PCDHA11: variants seen among roughly 807,000 people sequenced by gnomAD.
The protein encoded by PCDHA11 is protocadherin alpha-11.
In PCDHA11, 61 loss-of-function variants were observed where a neutral mutation model predicts 70.3. The ratio of observed to expected loss-of-function variants is 0.87; its 90% CI spans 0.71 to 1.07. The LOEUF (loss-of-function observed/expected upper bound fraction) is 1.07. Among genes scored for constraint, PCDHA11 ranks in the 50% least tolerant of loss-of-function variants. The probability of loss-of-function intolerance (pLI) is 0.00; values close to 1 mark genes in which losing one functional copy is unlikely to be tolerated. For missense variants in PCDHA11, 1,324 were observed against 1,237.5 expected (o/e 1.07, Z -1.05); for synonymous variants, 633 against 555.1 (o/e 1.14, Z -1.97).
At chr5:141,000,405 A>ATG (rs2097918195) in intron 3 of PCDHA11, among the ~76,000 whole-genome samples, 3 of 88,878 alleles carry the variant, frequency 3.4e-5, no homozygotes, top group African/African-American at 1.4e-4. Flanking sequence ...CTATATATAT[A>ATG]TATATATATA....
intron 3 of PCDHA11, among the ~76,000 whole-genome samples, chr5:141,004,400 G>A (rs183932833): frequency 7.4e-4 from 113 of 152,304 alleles, no homozygotes; most frequent in African/African-American, 2.7e-3. Flanking sequence ...TGTGGAGGAG[G>A]CACCTGACTA....
At chr5:140,876,647 A>T in intron 1 of PCDHA11, 1 of 1,614,178 alleles carries the variant, frequency 6.2e-7, no homozygotes, top group Non-Finnish European at 8.5e-7. Flanking sequence ...CTGACACCTC[A>T]TGTTCCCTTC....
chr5:140,871,702 T>C, intron 1 of PCDHA11: 1 of 877,954 alleles, frequency 1.1e-6, no homozygotes, highest in Non-Finnish European at 1.7e-6. Flanking sequence ...CTTTAACCAA[T>C]AAATGTCCTA....
intron 1 of PCDHA11, among the ~76,000 whole-genome samples, chr5:140,950,920 T>TTTCTGCTACTTTTAACTG (rs1554219690): frequency 2.6e-5 from 4 of 152,202 alleles, no homozygotes; most frequent in African/African-American, 9.6e-5. Context: ...TTATTTCAGT[T>TTTCTGCTACTTTTAACTG]CTTTTTCTTT....
At chr5:140,909,043 C>T (rs2074280472) in intron 1 of PCDHA11, among the ~76,000 whole-genome samples, 1 of 152,188 alleles carries the variant, frequency 6.6e-6, no homozygotes, top group Non-Finnish European at 1.5e-5. Flanking sequence ...TTTCCATACT[C>T]TGGCATGCAA....
At chr5:140,920,425 C>T (rs1444166830) in intron 1 of PCDHA11, among the ~76,000 whole-genome samples, 1 of 151,960 alleles carries the variant, frequency 6.6e-6, no homozygotes, top group Non-Finnish European at 1.5e-5. Flanking sequence ...GCTGTTCTCC[C>T]ACACACCTCT....
intron 1 of PCDHA11, chr5:140,877,656 C>T (rs782196097): frequency 4.3e-6 from 7 of 1,613,442 alleles, no homozygotes; most frequent in African/African-American, 4.0e-5. Flanking sequence ...CGCCGCCCAC[C>T]GTGAGCCGGT....
intron 1 of PCDHA11, chr5:140,967,752 C>T: frequency 1.2e-6 from 2 of 1,614,194 alleles, no homozygotes; most frequent in Middle Eastern, 1.6e-4. Context: ...GAGGAAGCCT[C>T]CTCCTACCAG....
intron 1 of PCDHA11, among the ~76,000 whole-genome samples, chr5:140,915,100 CACA>C (rs2076984171): frequency 6.6e-6 from 1 of 151,988 alleles, no homozygotes; most frequent in African/African-American, 2.4e-5. Context: ...CACGCACCAC[CACA>C]ACACCCACCT....
intron 1 of PCDHA11, among the ~76,000 whole-genome samples, chr5:140,941,032 T>C (rs1321810263): frequency 6.6e-6 from 1 of 152,222 alleles, no homozygotes; most frequent in Non-Finnish European, 1.5e-5. Flanking sequence ...CTGGCCTTTT[T>C]GGTGCCAAGT....
At chr5:140,938,947 A>AT (rs1554212493) in intron 1 of PCDHA11, among the ~76,000 whole-genome samples, 1 of 152,094 alleles carries the variant, frequency 6.6e-6, no homozygotes, top group Non-Finnish European at 1.5e-5. Flanking sequence ...CATTCTTATA[A>AT]TGCTCTAGTC....
chr5:140,951,076 A>G (rs2094545866), intron 1 of PCDHA11, among the ~76,000 whole-genome samples: 1 of 151,566 alleles, frequency 6.6e-6, no homozygotes, highest in Non-Finnish European at 1.5e-5. Flanking sequence ...GCTTTCTTAT[A>G]TTTTCCTTTT....
chr5:140,904,619 T>C (rs1554191627), intron 1 of PCDHA11, among the ~76,000 whole-genome samples: 1 of 152,126 alleles, frequency 6.6e-6, no homozygotes, highest in African/African-American at 2.4e-5. Context: ...GTTTTACTTT[T>C]AGTTCTTTAA....
chr5:140,950,473 G>T (rs2094486830), intron 1 of PCDHA11, among the ~76,000 whole-genome samples: 1 of 152,010 alleles, frequency 6.6e-6, no homozygotes, highest in African/African-American at 2.4e-5. Context: ...CATAGTTTCT[G>T]ATGAGAAGTG....
At chr5:140,928,208 A>G in intron 1 of PCDHA11, 1 of 1,614,228 alleles carries the variant, frequency 6.2e-7, no homozygotes, top group Non-Finnish European at 8.5e-7. Context: ...GCTGATGTGA[A>G]TGACAATACA....
chr5:140,875,902 G>C (rs192382804), intron 1 of PCDHA11: 14 of 1,614,160 alleles, frequency 8.7e-6, no homozygotes, highest in Non-Finnish European at 1.2e-5. Flanking sequence ...ACCTGTTTCT[G>C]AATCTGCGCC....
intron 1 of PCDHA11, chr5:140,968,847 A>G (rs781874732): frequency 8.7e-6 from 14 of 1,614,222 alleles, no homozygotes; most frequent in Middle Eastern, 1.6e-4. Context: ...ACTCAGAGGC[A>G]TGTTAAGAGC....
intron 1 of PCDHA11, chr5:140,877,919 T>A: frequency 7.0e-7 from 1 of 1,423,998 alleles, no homozygotes; most frequent in South Asian, 1.6e-5. Flanking sequence ...CTCTCATTTT[T>A]CTTTATGATT....
intron 1 of PCDHA11, among the ~76,000 whole-genome samples, chr5:140,888,659 C>A (rs1373585694): frequency 6.6e-6 from 1 of 152,198 alleles, no homozygotes; most frequent in Non-Finnish European, 1.5e-5. Context: ...AGGACACCAC[C>A]TAATGCCCTG....
Sources: allele counts gnomAD v4.1 joint callset (sites outside exome capture counted in the v4.1 genomes callset), GRCh38; gene constraint gnomAD v4.1.1; transcripts MANE v1.5; gene names NCBI Gene and HGNC (gene_info 2026-07-23, HGNC 2026-07-21).